Variants in CBX3 observed in about 807,000 individuals in gnomAD.
CBX3 encodes the protein chromobox protein homolog 3.
Under a neutral mutation model 22.6 loss-of-function variants are expected in CBX3, and 5 were observed. The observed-to-expected ratio is 0.22, with a 90% CI of 0.12 to 0.47. The LOEUF (loss-of-function observed/expected upper bound fraction) is 0.47. Among genes scored for constraint, CBX3 ranks in the 20% least tolerant of loss-of-function variants. CBX3 has a pLI of 0.99. For synonymous variants in CBX3, 50 were observed against 66.6 expected (o/e 0.75, Z 1.21); for missense variants, 83 against 208.1 (o/e 0.40, Z 3.70).
intron 1 of CBX3, chr7:26,202,703 G>A: frequency 2.4e-6 from 1 of 418,950 alleles, no homozygotes; most frequent in Non-Finnish European, 4.2e-6. Context: ...GACTTAGATT[G>A]GAAAAGACAT....
Position 26,208,559 on chromosome 7 carries a change from A to G in CBX3, c.330+4A>G. Reference sequence around the variant, plus strand: ...ATCAAAGAAGAAAAGAGATGCTGTAAGTATAAAATATTGCCCACCAGCTTG... The same window carrying G: ...ATCAAAGAAGAAAAGAGATGCTGTAGGTATAAAATATTGCCCACCAGCTTG... On this transcript the variant is annotated splice_donor_region_variant and intron_variant, in intron 4 of 5. Transcript: ENST00000396386. 7.8e-7 allele frequency: 1 copy of G among 1,282,444 alleles called. No individual in the cohort carries two copies. Among genetic ancestry groups the G allele is most frequent in the Non-Finnish European group, 1.0e-6 (1 of 955,774 alleles). The allele number at this position is 1,282,444 out of a possible 1,614,324, so 79.4% of individuals were successfully genotyped here.
rs546274708 is a variant in CBX3, at chr7:26,208,869, C to T, written c.330+314C>T. ...TCCTGACCTCATGATCCTCCCGCCT[C>T]GGCCTCCCAAAGTGTTGGGATTGTA... is the stretch of plus-strand genomic sequence containing the variant. On this transcript the variant is annotated intron_variant, in intron 4 of 5. Transcript: ENST00000396386. 8.5e-4 allele frequency among the ~76,000 whole-genome samples: 124 copies of T among 146,488 alleles called. 1 individual carries two copies. The highest frequency in any genetic ancestry group is 2.9e-3 in the African/African-American group (116 of 39,402).
At chr7:26,211,371 G>A (rs1310941456) in intron 4 of CBX3, among the ~76,000 whole-genome samples, 1 of 152,100 alleles carries the variant, frequency 6.6e-6, no homozygotes, top group South Asian at 2.1e-4. Flanking sequence ...AAATAAAGAG[G>A]TTAGTTTTTC....
At chr7:26,203,864 G>A (rs947470099) in intron 2 of CBX3, among the ~76,000 whole-genome samples, 5 of 152,100 alleles carry the variant, frequency 3.3e-5, no homozygotes, top group African/African-American at 9.7e-5. Flanking sequence ...ATTAGATTCT[G>A]CATTAAGTCT....
chr7:26,209,169 A>G (rs1047930363), intron 4 of CBX3, among the ~76,000 whole-genome samples: 2 of 151,946 alleles, frequency 1.3e-5, no homozygotes, highest in Non-Finnish European at 2.9e-5. Context: ...GGCCTCCCAG[A>G]GTGCTGGGAT....
upstream of CBX3, chr7:26,201,643 CG>C (rs1277266684): frequency 6.9e-6 from 1 of 144,452 alleles, no homozygotes; most frequent in Non-Finnish European, 1.5e-5. Flanking sequence ...CCCCTCCCCC[CG>C]CCGGGCGCGC....
rs1784850113 is a variant in CBX3, at chr7:26,213,188, C to T, written c.*980C>T. 6.6e-6 allele frequency: 1 copy of T among 152,666 alleles called. No homozygotes were observed. The highest frequency in any genetic ancestry group is 2.1e-4 in the South Asian group (1 of 4,834). The allele number at this position is 152,666 out of a possible 1,614,324, so 9.5% of individuals were successfully genotyped here. Reference sequence around the variant, plus strand: ...ATTGACCTGCATGTTTTTTCTTTACCCCAATTCATTACATGGAGGCTCAAT... The same window carrying T: ...ATTGACCTGCATGTTTTTTCTTTACTCCAATTCATTACATGGAGGCTCAAT... On this transcript the variant is annotated 3_prime_UTR_variant, in exon 6 of 6. Transcript: ENST00000396386.
At chr7:26,211,450 T>C (rs1784801686) in intron 4 of CBX3, among the ~76,000 whole-genome samples, 1 of 152,222 alleles carries the variant, frequency 6.6e-6, no homozygotes, top group African/African-American at 2.4e-5. Flanking sequence ...TTATTCTGAA[T>C]GTTTTCAGAA....
In CBX3 at chr7:26,212,953, CAAAACTAAGTT is replaced by C. The variant is rs1182995678; in HGVS notation, c.*749_*759del. The stretch of plus-strand genomic sequence containing the variant: ...TGCTAGTGTGTTTTAACTAGCTAAA[CAAAACTAAGTT>C]AAATGAACATTTAAAAGTTTCCCTA... On this transcript the variant is annotated 3_prime_UTR_variant, in exon 6 of 6. Coordinates refer to ENST00000396386, the MANE Select transcript of CBX3 (RefSeq NM_016587.4). 1.3e-5 allele frequency: 2 copies of C among 152,268 alleles called. No individual in the cohort carries two copies. Among genetic ancestry groups the C allele is most frequent in the Non-Finnish European group, 2.9e-5 (2 of 68,046 alleles). The allele number at this position is 152,268 out of a possible 1,614,324, so 9.4% of individuals were successfully genotyped here. A position where few individuals can be genotyped will look rare whatever the true frequency, so the allele number is the denominator to read the frequency against.
chr7:26,212,322 ATGTT>A lies in CBX3; in HGVS notation c.*120_*123del. 3 of 693,484 alleles carry A rather than the reference ATGTT, an allele frequency of 4.3e-6. No homozygotes were observed. The highest frequency in any genetic ancestry group is 7.6e-5 in the South Asian group (1 of 13,208). The allele number at this position is 693,484 out of a possible 1,614,324, so 43.0% of individuals were successfully genotyped here. On this transcript the variant is annotated 3_prime_UTR_variant, in exon 6 of 6. Transcript: ENST00000396386. ...CATCCTAATGAAAATCAAGTTTGAT[ATGTT>A]TGTTTTGAAAGTAGCGTTGGAAGAG... is the stretch of plus-strand genomic sequence containing the variant.
At chr7:26,207,350 A>G (rs565663654) in intron 3 of CBX3, among the ~76,000 whole-genome samples, 7 of 152,306 alleles carry the variant, frequency 4.6e-5, no homozygotes, top group Non-Finnish European at 7.4e-5. Flanking sequence ...TAAATTAAGT[A>G]TGTGTCGTAA....
At chr7:26,202,807 G>C in intron 1 of CBX3, 164 bp from the exon 2 acceptor site, 1 of 630,180 alleles carries the variant, frequency 1.6e-6, no homozygotes. Context: ...ACGTACTTAA[G>C]TACATCATAA....
At position 26,211,761 on chromosome 7, in the gene CBX3, G is replaced by A. The variant is rs771247002; in HGVS notation, c.425+5G>A. 1.3e-6 allele frequency: 2 copies of A among 1,566,790 alleles called. 1 individual carries two copies. The highest frequency in any genetic ancestry group is 2.4e-5 in the South Asian group (2 of 85,050). On this transcript the variant is annotated splice_donor_5th_base_variant and intron_variant, in intron 5 of 5. Transcript: ENST00000396386. Reference sequence around the variant, plus strand: ...ATTGATGTTTCTCATGAAATGGTGAGTATGCAGAGATTGTTACATTTGAAA... The same window carrying A: ...ATTGATGTTTCTCATGAAATGGTGAATATGCAGAGATTGTTACATTTGAAA...
intron 3 of CBX3, among the ~76,000 whole-genome samples, chr7:26,207,885 G>C (rs946239077): frequency 1.3e-5 from 2 of 151,570 alleles, no homozygotes; most frequent in Admixed American, 1.3e-4. Flanking sequence ...CAGTAATTTG[G>C]GTTTACTAAT....
chr7:26,204,715 G>A (rs1584035467), intron 2 of CBX3, among the ~76,000 whole-genome samples: 1 of 152,234 alleles, frequency 6.6e-6, no homozygotes, highest in East Asian at 1.9e-4. Context: ...TTTTCTGCTT[G>A]CTGCTTTACT....
chr7:26,213,423 A>G lies in CBX3; in HGVS notation c.*1215A>G, dbSNP rs1034507887. The G allele has an allele frequency of 1.3e-5, 2 of 152,254 alleles. No individual in the cohort carries two copies. Among genetic ancestry groups the G allele is most frequent in the Non-Finnish European group, 2.9e-5 (2 of 68,032 alleles). The allele number at this position is 152,254 out of a possible 1,614,324, so 9.4% of individuals were successfully genotyped here. Reference sequence around the variant, plus strand: ...AAATAGAAATGCCCACACTCATTGGATTATCTTTGTTTATAAGTTAGATGA... The same window carrying G: ...AAATAGAAATGCCCACACTCATTGGGTTATCTTTGTTTATAAGTTAGATGA... On this transcript the variant is annotated 3_prime_UTR_variant, in exon 6 of 6. Transcript: ENST00000396386.
In CBX3 at chr7:26,208,568, T is replaced by A; in HGVS notation, c.330+13T>A. The stretch of plus-strand genomic sequence containing the variant: ...GAAAAGAGATGCTGTAAGTATAAAA[T>A]ATTGCCCACCAGCTTGTCCTTTTGT... On this transcript the variant is annotated intron_variant, in intron 4 of 5. Transcript: ENST00000396386. 1 of 1,481,000 alleles carries A rather than the reference T, an allele frequency of 6.8e-7. No homozygotes were observed. The highest frequency in any genetic ancestry group is 9.1e-7 in the Non-Finnish European group (1 of 1,098,054). 91.7% of individuals were successfully genotyped at this position (1,481,000 alleles called of 1,614,324 possible).
chr7:26,211,950 A>G, intron 5 of CBX3, 132 bp from the exon 6 acceptor site: 2 of 910,936 alleles, frequency 2.2e-6, no homozygotes, highest in South Asian at 4.4e-5. Context: ...ATTAGAACAT[A>G]GCAACAAGTA....
At position 26,208,276 on chromosome 7, in the gene CBX3, A is replaced by G. The variant is rs143670407; in HGVS notation, c.168-117A>G. 1.3e-3 allele frequency: 899 copies of G among 689,558 alleles called. 8 individuals are homozygous for G. In the East Asian group the frequency reaches 0.022, roughly 17 times the overall value. 42.7% of individuals were successfully genotyped at this position (689,558 alleles called of 1,614,324 possible). On this transcript the variant is annotated intron_variant, in intron 3 of 5. Transcript: ENST00000396386. ...TGTAGGGAAGGAGGAAATGATTAGT[A>G]TCTGCAGTACAGAGGACTTTTTATT...
Sources: gnomAD v4.1 joint callset for allele counts (sites outside exome capture counted in the v4.1 genomes callset) on GRCh38, gnomAD v4.1.1 for gene constraint, MANE v1.5 for transcripts, NCBI Gene and HGNC (gene_info 2026-07-23, HGNC 2026-07-21) for gene names.